Variants in PRDM5 observed in about 807,000 individuals in gnomAD.
PRDM5 encodes the protein PR/SET domain 5.
Under a neutral mutation model 81.2 loss-of-function variants are expected in PRDM5, and 56 were observed. That is an observed-to-expected ratio of 0.69 (90% confidence interval 0.56 to 0.86). PRDM5 has a LOEUF of 0.86. Ranked by LOEUF, PRDM5 falls within the 40% of genes least tolerant of loss-of-function variation. The pLI is 0.00. For missense variants in PRDM5, 697 were observed against 770.1 expected (o/e 0.91, Z 1.12); for synonymous variants, 267 against 256.4 (o/e 1.04, Z -0.39).
intron 2 of PRDM5, among the ~76,000 whole-genome samples, chr4:120,900,473 A>G (rs1038869961): frequency 1.3e-5 from 2 of 152,208 alleles, no homozygotes; most frequent in African/African-American, 4.8e-5. Flanking sequence ...AATAAAGTAG[A>G]TATTTTATCT....
At chr4:120,914,742 A>G (rs763966535) in intron 1 of PRDM5, among the ~76,000 whole-genome samples, 3 of 152,236 alleles carry the variant, frequency 2.0e-5, no homozygotes, top group Non-Finnish European at 4.4e-5. Context: ...TCATAAAGAG[A>G]TGGAATCAAC....
intron 2 of PRDM5, among the ~76,000 whole-genome samples, chr4:120,887,065 C>T (rs1277160553): frequency 6.6e-6 from 1 of 152,088 alleles, no homozygotes; most frequent in African/African-American, 2.4e-5. Context: ...CCTGCCTCAG[C>T]CTCCCAAGTA....
In PRDM5 at chr4:120,693,751, C is replaced by T. The variant is rs989944089; in HGVS notation, c.*1360G>A. The T allele has an allele frequency of 2.0e-5, 3 of 152,118 alleles. No individual in the cohort carries two copies. Among genetic ancestry groups the T allele is most frequent in the Admixed American group, 2.0e-4 (3 of 15,248 alleles). The allele number at this position is 152,118 out of a possible 1,614,324, so 9.4% of individuals were successfully genotyped here. ...ACCAAATAACTTCCTTAAAACTATACTTCCTTTCTTTTGACTGGGCTTCAG... is the reference window on the plus strand; with the variant it reads ...ACCAAATAACTTCCTTAAAACTATATTTCCTTTCTTTTGACTGGGCTTCAG... On this transcript the variant is annotated 3_prime_UTR_variant, in exon 16 of 16. Coordinates refer to ENST00000264808, the MANE Select transcript of PRDM5 (RefSeq NM_018699.4).
chr4:120,733,986 A>C (rs936686722), intron 14 of PRDM5, among the ~76,000 whole-genome samples: 1 of 152,120 alleles, frequency 6.6e-6, no homozygotes, highest in Non-Finnish European at 1.5e-5. Context: ...ATGTATAAAA[A>C]GTGAGACCTG....
chr4:120,877,528 G>A (rs1227884237), intron 2 of PRDM5, among the ~76,000 whole-genome samples: 2 of 152,184 alleles, frequency 1.3e-5, no homozygotes, highest in Non-Finnish European at 2.9e-5. Context: ...AACGGGGCCG[G>A]GTGCGGTGGC....
chr4:120,834,366 C>T (rs1202090587), intron 3 of PRDM5, among the ~76,000 whole-genome samples: 2 of 152,018 alleles, frequency 1.3e-5, no homozygotes, highest in African/African-American at 4.8e-5. Flanking sequence ...TAAAATGGGC[C>T]CTAGAGAGCT....
chr4:120,720,342 C>G (rs1400296749), intron 14 of PRDM5, among the ~76,000 whole-genome samples: 1 of 152,150 alleles, frequency 6.6e-6, no homozygotes, highest in South Asian at 2.1e-4. Flanking sequence ...TTTCGGAGTC[C>G]TCCACTTTTC....
At chr4:120,789,293 G>A (rs546069065) in intron 10 of PRDM5, among the ~76,000 whole-genome samples, 118 of 152,196 alleles carry the variant, frequency 7.8e-4, no homozygotes, top group Non-Finnish European at 1.1e-3. Context: ...GGTTTCTGGC[G>A]TAATGTACAT....
intron 14 of PRDM5, among the ~76,000 whole-genome samples, chr4:120,737,887 T>C (rs1159811336): frequency 1.3e-5 from 2 of 152,184 alleles, no homozygotes; most frequent in Admixed American, 1.3e-4. Context: ...ATTTGGTAAA[T>C]TTAATAATTC....
At chr4:120,918,280 T>C (rs1205911992) in intron 1 of PRDM5, among the ~76,000 whole-genome samples, 1 of 152,230 alleles carries the variant, frequency 6.6e-6, no homozygotes, top group East Asian at 1.9e-4. Context: ...AGAGATAGCA[T>C]ATACGGCAGG....
intron 2 of PRDM5, among the ~76,000 whole-genome samples, chr4:120,873,574 T>C (rs754210743): frequency 2.0e-5 from 3 of 152,226 alleles, no homozygotes; most frequent in Non-Finnish European, 4.4e-5. Flanking sequence ...TGTCAAACAT[T>C]TCACTCAAAT....
chr4:120,733,711 G>A (rs1252986081), intron 14 of PRDM5, among the ~76,000 whole-genome samples: 2 of 152,002 alleles, frequency 1.3e-5, no homozygotes, highest in Non-Finnish European at 2.9e-5. Context: ...TCCTTTCGAT[G>A]TTAATAATGT....
chr4:120,865,886 A>AC (rs1026825128), intron 2 of PRDM5, among the ~76,000 whole-genome samples: 8 of 145,532 alleles, frequency 5.5e-5, no homozygotes, highest in South Asian at 4.4e-4. Context: ...CCCAGCCCCC[A>AC]CCCCCATCAG....
At position 120,768,167 on chromosome 4, in the gene PRDM5, T is replaced by C. The variant is rs144537144; in HGVS notation, c.1537+9021A>G. On this transcript the variant is annotated intron_variant, in intron 13 of 15. Coordinates refer to ENST00000264808, the MANE Select transcript of PRDM5 (RefSeq NM_018699.4). ...GTACTAAAATGATATAAGACTTTTATTTCCTCATCTTTTATACTGGGGGAC... is the reference window on the plus strand; with the variant it reads ...GTACTAAAATGATATAAGACTTTTACTTCCTCATCTTTTATACTGGGGGAC... Among the ~76,000 whole-genome samples, 466 of 152,364 alleles carry C rather than the reference T, an allele frequency of 3.1e-3. 3 individuals carry two copies. Among genetic ancestry groups the C allele is most frequent in the African/African-American group, 0.011 (459 of 41,588 alleles).
intron 13 of PRDM5, among the ~76,000 whole-genome samples, chr4:120,769,189 A>C (rs1160813806): frequency 6.6e-6 from 1 of 152,216 alleles, no homozygotes; most frequent in East Asian, 1.9e-4. Flanking sequence ...TATCTATTGA[A>C]TAAGCATTCA....
Position 120,821,285 on chromosome 4 carries a change from T to C in PRDM5, c.361A>G (p.Ile121Val). 6.2e-7 allele frequency: 1 copy of C among 1,614,090 alleles called. No homozygotes were observed. The highest frequency in any genetic ancestry group is 8.5e-7 in the Non-Finnish European group (1 of 1,180,014). ...TCCATGTCACTATCCAGGTAGCCAA[T>C]CAGAAGCTCCGTGTCTGTTTCTATA... is the stretch of plus-strand genomic sequence containing the variant. ...EDIETDTELL[I>V]GYLDSDMEAE... Residue 121 changes from isoleucine (I) to valine (V), a missense_variant, in exon 4 of 16, where the codon ATT (isoleucine) becomes GTT (valine). Coordinates refer to ENST00000264808, the MANE Select transcript of PRDM5 (RefSeq NM_018699.4).
chr4:120,767,819 A>C (rs1233504708), intron 13 of PRDM5, among the ~76,000 whole-genome samples: 2 of 152,180 alleles, frequency 1.3e-5, no homozygotes, highest in Non-Finnish European at 2.9e-5. Flanking sequence ...TAATTGAATC[A>C]CAGGGTGATC....
intron 8 of PRDM5, among the ~76,000 whole-genome samples, chr4:120,800,110 T>C (rs1751927790): frequency 6.6e-6 from 1 of 152,208 alleles, no homozygotes; most frequent in South Asian, 2.1e-4. Flanking sequence ...ATATTCCCTT[T>C]ACAGTAGCCA....
At chr4:120,688,957 T>C (rs1028132753), downstream of PRDM5, among the ~76,000 whole-genome samples, 4 of 152,192 alleles carry the variant, frequency 2.6e-5, no homozygotes, top group East Asian at 1.9e-4. Context: ...TTTTGGCTTA[T>C]AGAACATATA....
Sources: allele counts gnomAD v4.1 joint callset (sites outside exome capture counted in the v4.1 genomes callset), GRCh38; gene constraint gnomAD v4.1.1; transcripts MANE v1.5; gene names NCBI Gene and HGNC (gene_info 2026-07-23, HGNC 2026-07-21).